The following ANKRD66 variants were observed in gnomAD, a reference collection of about 807,000 sequenced individuals.
ANKRD66 encodes ankyrin repeat domain 66.
In ANKRD66, 10 loss-of-function variants were observed where a neutral mutation model predicts 10.9. That is an observed-to-expected ratio of 0.91 (90% CI 0.56 to 1.55). The LOEUF is 1.55. ANKRD66 is among the 40% of genes most tolerant of loss of function. The probability of loss-of-function intolerance (pLI) is 0.00; values close to 1 mark genes in which losing one functional copy is unlikely to be tolerated. For synonymous variants in ANKRD66, 85 were observed against 88.4 expected (o/e 0.96, Z 0.22); for missense variants, 252 against 242.9 (o/e 1.04, Z -0.25).
intron 3 of ANKRD66, among the ~76,000 whole-genome samples, chr6:46,752,535 C>T (rs1369663366): frequency 6.6e-6 from 1 of 152,188 alleles, no homozygotes; most frequent in South Asian, 2.1e-4. Context: ...ACGCCTGGCC[C>T]CAGATGGAAC....
rs531921422 is a variant in ANKRD66, at chr6:46,755,241, C to T, written c.392+1291C>T. Among the ~76,000 whole-genome samples, 6 of 152,324 alleles carry T rather than the reference C, an allele frequency of 3.9e-5. No individual in the cohort carries two copies. In the South Asian group the frequency reaches 1.2e-3, roughly 32 times the overall value. ...TTCCCAACCTTAGATGAATCTCTGT[C>T]TTCTCCACGTTTATCCTTGTTCAGC... On this transcript the variant is annotated intron_variant, in intron 4 of 4. Coordinates refer to ENST00000565422, the MANE Select transcript of ANKRD66 (RefSeq NM_001162435.3).
chr6:46,749,605 A>C (rs1317336599), intron 1 of ANKRD66, among the ~76,000 whole-genome samples: 1 of 114,776 alleles, frequency 8.7e-6, no homozygotes, highest in African/African-American at 3.4e-5. Flanking sequence ...AATATTTACT[A>C]TCTGGTTCTT....
At chr6:46,750,636 A>G (rs1766249890) in intron 2 of ANKRD66, among the ~76,000 whole-genome samples, 1 of 148,690 alleles carries the variant, frequency 6.7e-6, no homozygotes, top group Non-Finnish European at 1.5e-5. Flanking sequence ...ACATACACAC[A>G]TATGTATATA....
Position 46,747,931 on chromosome 6 carries a change from G to C in ANKRD66, c.-97+941G>C, listed in dbSNP as rs1178392956. Among the ~76,000 whole-genome samples, 4 of 152,066 alleles carry C rather than the reference G, an allele frequency of 2.6e-5. No homozygotes were observed. In the East Asian group the frequency reaches 7.7e-4, roughly 29 times the overall value. On this transcript the variant is annotated intron_variant, in intron 1 of 4. Transcript: ENST00000565422. The stretch of plus-strand genomic sequence containing the variant: ...GCAACGGAGTAGATCTGAGAGTCTA[G>C]AAAAAACCCTTATATTTATGTTCAA...
Position 46,753,707 on chromosome 6 carries a change from T to C in ANKRD66, c.164-15T>C, listed in dbSNP as rs1766314502. On this transcript the variant is annotated splice_polypyrimidine_tract_variant and intron_variant, in intron 3 of 4. Transcript: ENST00000565422. ...TTATCCTAACCTCATCCTGTTTCTT[T>C]TTGGTACATCTAAGGGCAAATGGAG... is the stretch of plus-strand genomic sequence containing the variant. 2 of 1,532,614 alleles carry C rather than the reference T, an allele frequency of 1.3e-6. No individual in the cohort carries two copies. Among genetic ancestry groups the C allele is most frequent in the African/African-American group, 1.4e-5 (1 of 72,432 alleles). The allele number at this position is 1,532,614 out of a possible 1,614,324, so 94.9% of individuals were successfully genotyped here. A position where few individuals can be genotyped will look rare whatever the true frequency, so the allele number is the denominator to read the frequency against.
rs760652206 is a variant in ANKRD66, at chr6:46,753,901, A to C, written c.343A>C (p.Arg115=). 11 of 1,551,570 alleles carry C rather than the reference A, an allele frequency of 7.1e-6. No individual in the cohort carries two copies. Among genetic ancestry groups the C allele is most frequent in the Non-Finnish European group, 9.6e-6 (11 of 1,146,992 alleles). ...TGACTTCTTTGGAGACACACCGAAG[A>C]GGATTGCACAGATCTATGGACAGAA... ...APDFFGDTPK[R]IAQIYGQKAC... The change falls in exon 4 of 5, where the codon AGG becomes CGG. Residue 115 remains arginine, a synonymous_variant. Transcript: ENST00000565422.
intron 1 of ANKRD66, among the ~76,000 whole-genome samples, chr6:46,747,817 G>A (rs1766181876): frequency 6.6e-6 from 1 of 152,084 alleles, no homozygotes; most frequent in South Asian, 2.1e-4. Context: ...ATAGCTCATT[G>A]GAATACTCAG....
Position 46,750,691 on chromosome 6 carries a change from A to G in ANKRD66, c.-13+712A>G, listed in dbSNP as rs1327411882. Among the ~76,000 whole-genome samples the G allele has an allele frequency of 2.7e-5, 4 of 148,768 alleles. No individual in the cohort carries two copies. In the South Asian group the frequency reaches 8.4e-4, roughly 31 times the overall value. ...ATATACACATATACACATGTATATT[A>G]TATATACGTGTGTGTACATATAATA... On this transcript the variant is annotated intron_variant, in intron 2 of 4. Transcript: ENST00000565422.
chr6:46,758,630 C>A, intron 4 of ANKRD66, 93 bp from the exon 5 acceptor site: 2 of 1,250,616 alleles, frequency 1.6e-6, no homozygotes, highest in Non-Finnish European at 2.1e-6. Flanking sequence ...CTCAACTGAA[C>A]TGCGGTGTGC....
At chr6:46,755,419 G>A (rs1335768410) in intron 4 of ANKRD66, among the ~76,000 whole-genome samples, 1 of 152,114 alleles carries the variant, frequency 6.6e-6, no homozygotes, top group Non-Finnish European at 1.5e-5. Context: ...TCTTTCAGAG[G>A]TATGCCTTCT....
chr6:46,752,315 A>G lies in ANKRD66; in HGVS notation c.163+204A>G, dbSNP rs376689035. On this transcript the variant is annotated intron_variant, in intron 3 of 4. Transcript: ENST00000565422. ...AGTGGCACAATCTCAGCTCACTATA[A>G]CCTCCACCTCCTGGGTTCAAGCGAT... Among the ~76,000 whole-genome samples the G allele has an allele frequency of 5.6e-3, 851 of 151,938 alleles. 10 individuals are homozygous for G. Among genetic ancestry groups the G allele is most frequent in the African/African-American group, 0.02 (813 of 41,460 alleles).
At position 46,755,281 on chromosome 6, in the gene ANKRD66, C is replaced by T. The variant is rs141021124; in HGVS notation, c.392+1331C>T. On this transcript the variant is annotated intron_variant, in intron 4 of 4. Transcript: ENST00000565422. ...CCTTGTTCAGCTAGAGAAAATCCCA[C>T]GTCAATATATGGGTATCCTAGCAGT... 1.5e-3 allele frequency among the ~76,000 whole-genome samples: 229 copies of T among 152,314 alleles called. 1 individual carries two copies. The highest frequency in any genetic ancestry group is 5.1e-3 in the African/African-American group (211 of 41,584).
chr6:46,747,978 C>G (rs948962190), intron 1 of ANKRD66, among the ~76,000 whole-genome samples: 2 of 152,084 alleles, frequency 1.3e-5, no homozygotes, highest in African/African-American at 4.8e-5. Context: ...CAATTGTTGT[C>G]AAGTATAAAA....
chr6:46,749,793 C>T (rs542393993), intron 1 of ANKRD66, 103 bp from the exon 2 acceptor site: 5 of 1,373,736 alleles, frequency 3.6e-6, no homozygotes, highest in Non-Finnish European at 3.8e-6. Flanking sequence ...TTAGAGAAAG[C>T]TCTTTTACTT....
intron 3 of ANKRD66, among the ~76,000 whole-genome samples, chr6:46,753,296 T>G (rs1352666269): frequency 6.6e-6 from 1 of 152,248 alleles, no homozygotes; most frequent in Non-Finnish European, 1.5e-5. Context: ...AGAAAGCCTG[T>G]GCTCTTAACC....
At chr6:46,756,117 C>T (rs1424193239) in intron 4 of ANKRD66, 2 of 441,612 alleles carry the variant, frequency 4.5e-6, no homozygotes, top group Non-Finnish European at 9.0e-6. Context: ...CAAGAAACGC[C>T]TGACTTCTTT....
chr6:46,750,122 T>G, intron 2 of ANKRD66, 143 bp downstream of exon 2: 1 of 540,986 alleles, frequency 1.8e-6, no homozygotes, highest in Non-Finnish European at 3.4e-6. Flanking sequence ...ACATTCCCAA[T>G]GGCCCCATCT....
chr6:46,753,681 T>C, intron 3 of ANKRD66, 41 bp from the exon 4 acceptor site: 1 of 1,499,002 alleles, frequency 6.7e-7, no homozygotes, highest in Non-Finnish European at 8.9e-7. Context: ...TTGGGACATC[T>C]TTATCCTAAC....
Position 46,746,970 on chromosome 6 carries a change from C to A in ANKRD66, c.-117C>A, listed in dbSNP as rs958803932. The A allele has an allele frequency of 6.5e-7, 1 of 1,535,490 alleles. No individual in the cohort carries two copies. The highest frequency in any genetic ancestry group is 2.0e-5 in the Admixed American group (1 of 50,986). ...TAGGACTGCCTGTCAGCACAGAGCT[C>A]CTCAAATTTCACACAAGACAGTAAG... is the stretch of plus-strand genomic sequence containing the variant. On this transcript the variant is annotated 5_prime_UTR_variant, in exon 1 of 5. Transcript: ENST00000565422.
Sources: allele counts gnomAD v4.1 joint callset (sites outside exome capture counted in the v4.1 genomes callset), GRCh38; gene constraint gnomAD v4.1.1; transcripts MANE v1.5; gene names NCBI Gene and HGNC (gene_info 2026-07-23, HGNC 2026-07-21).